Variants in CEP70 observed in about 807,000 individuals in gnomAD.
CEP70 encodes the protein centrosomal protein 70.
A neutral mutation model predicts 90.9 loss-of-function variants in CEP70; 70 were observed. That is an observed-to-expected ratio of 0.77 (90% CI 0.64 to 0.94). CEP70 has a LOEUF of 0.94. CEP70 is among the 40% of genes least tolerant of loss of function. The probability of loss-of-function intolerance (pLI) is 0.00; values close to 1 mark genes in which losing one functional copy is unlikely to be tolerated. For missense variants in CEP70, 648 were observed against 669.0 expected, an observed-to-expected ratio of 0.97 and a Z score of 0.35; for synonymous variants, 220 against 228.3, an observed-to-expected ratio of 0.96 and a Z score of 0.33.
chr3:138,521,172 C>G (rs1424821336), intron 11 of CEP70, among the ~76,000 whole-genome samples: 1 of 152,034 alleles, frequency 6.6e-6, no homozygotes, highest in Non-Finnish European at 1.5e-5. Flanking sequence ...CTCCACCTCC[C>G]AGCCGCCTGC....
At chr3:138,508,688 T>C in intron 11 of CEP70, 144 bp from the exon 12 acceptor site, 1 of 621,810 alleles carries the variant, frequency 1.6e-6, no homozygotes, top group East Asian at 2.8e-5. Flanking sequence ...CATGTATGTA[T>C]GTGTATGTAT....
At chr3:138,532,032 A>T (rs2037874649) in intron 8 of CEP70, among the ~76,000 whole-genome samples, 1 of 152,206 alleles carries the variant, frequency 6.6e-6, no homozygotes, top group South Asian at 2.1e-4. Context: ...ATTTTAGTTT[A>T]GCCAAAGACC....
At position 138,500,176 on chromosome 3, in the gene CEP70, CAG is replaced by C. The variant is rs1353747697; in HGVS notation, c.1584_1585del (p.Cys529Ter). ...ATTCACATCTTCATTAATCAGCCTA[CAG>C]AGTTTTCCAACAGTGCTTACTAGCA... On this transcript the variant is annotated frameshift_variant, in exon 16 of 18. Transcript: ENST00000264982. LOFTEE classifies it high-confidence loss of function. 1 of 1,613,906 alleles carries C rather than the reference CAG, an allele frequency of 6.2e-7. No homozygotes were observed. The highest frequency in any genetic ancestry group is 1.7e-5 in the Admixed American group (1 of 60,028).
intron 6 of CEP70, among the ~76,000 whole-genome samples, chr3:138,557,727 C>T (rs1479717768): frequency 6.6e-6 from 1 of 151,992 alleles, no homozygotes; most frequent in Non-Finnish European, 1.5e-5. Flanking sequence ...GCTTGGTGCA[C>T]CAAATCTCAC....
Position 138,518,906 on chromosome 3 carries a change from C to T in CEP70, c.944+6584G>A, listed in dbSNP as rs866443663. Among the ~76,000 whole-genome samples the T allele has an allele frequency of 7.2e-5, 11 of 152,092 alleles. No individual in the cohort carries two copies. The South Asian group carries it at 2.1e-3, about 29-fold the overall frequency. On this transcript the variant is annotated intron_variant, in intron 11 of 17. Coordinates refer to ENST00000264982, the MANE Select transcript of CEP70 (RefSeq NM_024491.4). ...TCCGAGCTAAAGGAGGAAGTTTGAA[C>T]CCAAGGCAAAGAAGTTAAAAACCTT...
intron 6 of CEP70, among the ~76,000 whole-genome samples, chr3:138,561,796 C>T (rs568549439): frequency 4.6e-4 from 70 of 151,982 alleles, no homozygotes; most frequent in Middle Eastern, 3.4e-3. Context: ...GAGTTCAAGG[C>T]GGGTGGATCA....
At chr3:138,531,081 T>C (rs2107766305) in intron 8 of CEP70, among the ~76,000 whole-genome samples, 1 of 152,290 alleles carries the variant, frequency 6.6e-6, no homozygotes, top group Middle Eastern at 3.4e-3. Context: ...GGATAATTTG[T>C]ATAGGCCAAA....
At chr3:138,534,076 G>A (rs964487997) in intron 7 of CEP70, among the ~76,000 whole-genome samples, 6 of 152,264 alleles carry the variant, frequency 3.9e-5, no homozygotes, top group East Asian at 1.9e-4. Flanking sequence ...AAGCCACTGC[G>A]CCCGGCCTGA....
chr3:138,498,163 T>A, intron 16 of CEP70, 53 bp from the exon 17 acceptor site: 1 of 1,306,282 alleles, frequency 7.7e-7, no homozygotes, highest in Non-Finnish European at 1.1e-6. Context: ...GGTTCTTGCA[T>A]CTGATTGCAA....
chr3:138,534,247 G>A (rs2038078878), intron 7 of CEP70, among the ~76,000 whole-genome samples: 1 of 152,072 alleles, frequency 6.6e-6, no homozygotes, highest in South Asian at 2.1e-4. Context: ...AACTAATTCA[G>A]CCAATTGTGC....
intron 11 of CEP70, among the ~76,000 whole-genome samples, chr3:138,519,842 T>C (rs2036435302): frequency 6.6e-6 from 1 of 152,122 alleles, no homozygotes; most frequent in African/African-American, 2.4e-5. Flanking sequence ...ATATTAACCT[T>C]AAATGTAAAT....
intron 5 of CEP70, among the ~76,000 whole-genome samples, 192 bp downstream of exon 5, chr3:138,570,842 A>T (rs533957416): frequency 3.3e-5 from 5 of 152,308 alleles, no homozygotes; most frequent in Non-Finnish European, 7.4e-5. Context: ...TAATAGAAGA[A>T]ATATAGGGTA....
chr3:138,495,466 C>T (rs12638791), intron 17 of CEP70, among the ~76,000 whole-genome samples: 3 of 152,296 alleles, frequency 2.0e-5, no homozygotes, highest in Non-Finnish European at 2.9e-5. Flanking sequence ...TAGGTCTCCA[C>T]GTGAGGACTT....
At chr3:138,499,907 C>A in intron 16 of CEP70, 1 of 487,892 alleles carries the variant, frequency 2.0e-6, no homozygotes, top group South Asian at 2.9e-5. Context: ...TCTTTAATTT[C>A]ACCCCTCCAG....
At chr3:138,580,984 G>C (rs1560457791) in intron 2 of CEP70, among the ~76,000 whole-genome samples, 1 of 151,844 alleles carries the variant, frequency 6.6e-6, no homozygotes, top group Non-Finnish European at 1.5e-5. Context: ...GGAGACAAGA[G>C]AAAAAAGAAT....
intron 6 of CEP70, among the ~76,000 whole-genome samples, chr3:138,550,293 T>A (rs1300356028): frequency 6.6e-6 from 1 of 152,194 alleles, no homozygotes; most frequent in Admixed American, 6.5e-5. Context: ...GAAGTCCAAC[T>A]TTTAAAAAAT....
At chr3:138,508,779 G>A (rs1442149268) in intron 11 of CEP70, among the ~76,000 whole-genome samples, 1 of 151,580 alleles carries the variant, frequency 6.6e-6, no homozygotes. Flanking sequence ...TATCACCCAG[G>A]CTGGAGTGCA....
chr3:138,561,729 G>A (rs535408715), intron 6 of CEP70, among the ~76,000 whole-genome samples: 4 of 152,148 alleles, frequency 2.6e-5, no homozygotes, highest in Admixed American at 2.0e-4. Context: ...CACAGCATAA[G>A]AACTTCATGA....
intron 1 of CEP70, 192 bp downstream of exon 1, chr3:138,594,006 T>G (rs2042529684): frequency 6.6e-6 from 1 of 152,306 alleles, no homozygotes; most frequent in Non-Finnish European, 1.5e-5. Context: ...CCTGGGGAGC[T>G]GGGACTGGAG....
Sources: gnomAD v4.1 joint callset for allele counts (sites outside exome capture counted in the v4.1 genomes callset) on GRCh38, gnomAD v4.1.1 for gene constraint, MANE v1.5 for transcripts, NCBI Gene and HGNC (gene_info 2026-07-23, HGNC 2026-07-21) for gene names.